GPC6: variants seen among roughly 807,000 people sequenced by gnomAD.
The protein encoded by GPC6 is glypican-6.
In GPC6, 14 loss-of-function variants were observed where a neutral mutation model predicts 55.2. The ratio of observed to expected loss-of-function variants is 0.25; its 90% CI spans 0.17 to 0.40. The LOEUF is 0.40. GPC6 is among the 10% of genes least tolerant of loss of function. GPC6 has a pLI of 1.00. For missense variants in GPC6, 641 were observed against 708.5 expected (o/e 0.90, Z 1.08); for synonymous variants, 278 against 259.6 (o/e 1.07, Z -0.68).
At chr13:93,926,060 C>G (rs553010433) in intron 3 of GPC6, among the ~76,000 whole-genome samples, 2 of 152,154 alleles carry the variant, frequency 1.3e-5, no homozygotes, top group Non-Finnish European at 2.9e-5. Flanking sequence ...TACATAGTGA[C>G]TGACTGCCAG....
At chr13:93,732,208 A>G (rs1184443708) in intron 2 of GPC6, among the ~76,000 whole-genome samples, 1 of 152,110 alleles carries the variant, frequency 6.6e-6, no homozygotes. Flanking sequence ...TATGCTGGGT[A>G]GGAGGCCGGC....
intron 4 of GPC6, among the ~76,000 whole-genome samples, chr13:94,119,309 T>C (rs887768579): frequency 3.3e-5 from 5 of 151,978 alleles, no homozygotes; most frequent in African/African-American, 1.2e-4. Flanking sequence ...TGGTGATAAG[T>C]GCTCTGAAGA....
the GPC6 span, among the ~76,000 whole-genome samples, chr13:93,221,747 ACTG>A: frequency 6.6e-6 from 1 of 152,164 alleles, no homozygotes; most frequent in African/African-American, 2.4e-5. Flanking sequence ...TGGCAGAGCT[ACTG>A]TTGTTAAATT....
intron 4 of GPC6, among the ~76,000 whole-genome samples, chr13:94,100,790 T>G (rs1400809005): frequency 2.0e-5 from 3 of 152,246 alleles, no homozygotes; most frequent in African/African-American, 7.2e-5. Context: ...ATTGGCCTTT[T>G]TCTGTATATA....
At chr13:93,782,786 C>CAT (rs921903848) in intron 2 of GPC6, among the ~76,000 whole-genome samples, 14 of 151,548 alleles carry the variant, frequency 9.2e-5, no homozygotes, top group African/African-American at 2.4e-4. Context: ...TATATATATA[C>CAT]ATATATATAT....
At chr13:93,819,899 A>G (rs574358666) in intron 2 of GPC6, among the ~76,000 whole-genome samples, 2 of 152,350 alleles carry the variant, frequency 1.3e-5, no homozygotes, top group East Asian at 1.9e-4. Context: ...AGGATCACTA[A>G]GAATAGAAAA....
At chr13:94,205,911 C>G (rs555873025) in intron 4 of GPC6, among the ~76,000 whole-genome samples, 1 of 152,150 alleles carries the variant, frequency 6.6e-6, no homozygotes, top group Non-Finnish European at 1.5e-5. Context: ...CCATCAGAGA[C>G]GTTTGGCAGT....
chr13:93,755,856 A>T (rs1026484123), intron 2 of GPC6, among the ~76,000 whole-genome samples: 11 of 152,192 alleles, frequency 7.2e-5, no homozygotes, highest in Non-Finnish European at 1.6e-4. Flanking sequence ...ATTCAACAAT[A>T]TGCTTTAAAG....
intron 1 of GPC6, among the ~76,000 whole-genome samples, chr13:93,467,575 C>CTTTTTTTTTT (rs11426472): frequency 2.7e-5 from 2 of 74,022 alleles, no homozygotes; most frequent in Non-Finnish European, 4.8e-5. Context: ...AGCTGTGATT[C>CTTTTTTTTTT]TTTTTTTTTT....
chr13:93,831,623 T>A (rs1441283605), intron 3 of GPC6, among the ~76,000 whole-genome samples: 1 of 151,970 alleles, frequency 6.6e-6, no homozygotes, highest in Non-Finnish European at 1.5e-5. Context: ...GTGTGTACCC[T>A]TACAAATGTT....
At chr13:93,565,459 C>T (rs1876050854) in intron 2 of GPC6, among the ~76,000 whole-genome samples, 1 of 152,188 alleles carries the variant, frequency 6.6e-6, no homozygotes, top group Non-Finnish European at 1.5e-5. Context: ...TCTCACTCAA[C>T]TCTTTGCCTT....
intron 4 of GPC6, among the ~76,000 whole-genome samples, chr13:94,210,024 T>A (rs1251978738): frequency 6.6e-6 from 1 of 151,950 alleles, no homozygotes; most frequent in East Asian, 1.9e-4. Context: ...ATTTTTAAAT[T>A]TTTTTTAGAG....
At chr13:93,412,492 A>G (rs1048491870) in intron 1 of GPC6, among the ~76,000 whole-genome samples, 2 of 152,100 alleles carry the variant, frequency 1.3e-5, no homozygotes, top group Non-Finnish European at 1.5e-5. Context: ...CCCTGTCTCT[A>G]CTAAAAATTC....
chr13:93,917,534 T>C (rs1242596682), intron 3 of GPC6, among the ~76,000 whole-genome samples: 2 of 152,200 alleles, frequency 1.3e-5, no homozygotes, highest in Non-Finnish European at 2.9e-5. Context: ...GAAGAGACAG[T>C]GCTGAGTTTA....
intron 3 of GPC6, among the ~76,000 whole-genome samples, chr13:93,928,573 C>A (rs1777347856): frequency 6.6e-6 from 1 of 151,956 alleles, no homozygotes; most frequent in Non-Finnish European, 1.5e-5. Flanking sequence ...GGGAAAAGAC[C>A]TTCAAACCTT....
intron 4 of GPC6, among the ~76,000 whole-genome samples, chr13:94,051,423 C>T (rs1210188536): frequency 6.6e-6 from 1 of 152,158 alleles, no homozygotes; most frequent in Non-Finnish European, 1.5e-5. Flanking sequence ...TTTTGCATCA[C>T]AAGCTTCCAC....
At chr13:93,450,889 G>C (rs1341456299) in intron 1 of GPC6, 1 of 172,384 alleles carries the variant, frequency 5.8e-6, no homozygotes. Flanking sequence ...TGGAAAAATA[G>C]AAAGCTCCAG....
intron 3 of GPC6, among the ~76,000 whole-genome samples, chr13:93,884,965 A>G (rs952948197): frequency 1.5e-4 from 23 of 152,128 alleles, no homozygotes; most frequent in African/African-American, 5.3e-4. Context: ...ATCTTACTTC[A>G]CTTGTTTGGG....
In GPC6 at chr13:94,047,855, G is replaced by A. The variant is rs75809234; in HGVS notation, c.877+19961G>A. 5.1e-3 allele frequency among the ~76,000 whole-genome samples: 775 copies of A among 152,178 alleles called. 11 individuals are homozygous for A. Among genetic ancestry groups the A allele is most frequent in the African/African-American group, 0.018 (744 of 41,532 alleles). The stretch of plus-strand genomic sequence containing the variant: ...AAACTAACCAAGCCTGTGAATTTAA[G>A]TGTTTGGCCAAATCTCACAGCATCT... On this transcript the variant is annotated intron_variant, in intron 4 of 8. Transcript: ENST00000377047.
Sources: gnomAD v4.1 joint callset for allele counts (sites outside exome capture counted in the v4.1 genomes callset) on GRCh38, gnomAD v4.1.1 for gene constraint, MANE v1.5 for transcripts, NCBI Gene and HGNC (gene_info 2026-07-23, HGNC 2026-07-21) for gene names.